Variants in PDSS1 observed in about 807,000 individuals in gnomAD.
PDSS1 encodes the protein all trans-polyprenyl-diphosphate synthase PDSS1.
PDSS1 carries 43 observed loss-of-function variants against 57.5 expected under a neutral mutation model. The ratio of observed to expected loss-of-function variants is 0.75; its 90% CI spans 0.59 to 0.96. PDSS1 has a LOEUF of 0.96. Among genes scored for constraint, PDSS1 ranks in the 50% least tolerant of loss-of-function variants. The pLI, the probability that PDSS1 is intolerant of heterozygous loss-of-function variation, is 0.00. For missense variants in PDSS1, 438 were observed against 527.8 expected (o/e 0.83, Z 1.67); for synonymous variants, 175 against 191.3 (o/e 0.91, Z 0.70).
intron 11 of PDSS1, 34 bp from the exon 12 acceptor site, chr10:26,746,299 A>G (rs1836899235): frequency 1.2e-6 from 2 of 1,611,938 alleles, no homozygotes; most frequent in Non-Finnish European, 1.7e-6. Context: ...AGTCAGTGAC[A>G]GGCATCTGTT....
chr10:26,729,144 G>A (rs887001500), intron 8 of PDSS1, among the ~76,000 whole-genome samples: 2 of 151,984 alleles, frequency 1.3e-5, no homozygotes, highest in Non-Finnish European at 2.9e-5. Context: ...CCAACGTATG[G>A]CCAGTAGGGG....
At chr10:26,718,883 A>G (rs1835690794) in intron 5 of PDSS1, 1 of 152,128 alleles carries the variant, frequency 6.6e-6, no homozygotes, top group South Asian at 2.1e-4. Flanking sequence ...GTGACATCAT[A>G]TTTTAAAATT....
In PDSS1 at chr10:26,735,435, G is replaced by A. The variant is rs769620666; in HGVS notation, c.913-31G>A. 28 of 1,459,646 alleles carry A rather than the reference G, an allele frequency of 1.9e-5. No individual in the cohort carries two copies. In the East Asian group the frequency reaches 5.9e-4, roughly 31 times the overall value. The allele number at this position is 1,459,646 out of a possible 1,614,324, so 90.4% of individuals were successfully genotyped here. A position where few individuals can be genotyped will look rare whatever the true frequency, so the allele number is the denominator to read the frequency against. On this transcript the variant is annotated intron_variant, in intron 9 of 11. Transcript: ENST00000376215. ...ATGGCAGCAGTGTTGGCATGGCGGT[G>A]CTCCTTACATCCCATTTTTCCTTTT...
chr10:26,735,625 A>C, intron 10 of PDSS1, 46 bp downstream of exon 10: 1 of 1,051,216 alleles, frequency 9.5e-7, no homozygotes, highest in Non-Finnish European at 1.5e-6. Flanking sequence ...ATAGCCCCAC[A>C]GAACTGATGT....
chr10:26,720,401 A>C (rs1167697112), intron 6 of PDSS1, 42 bp downstream of exon 6: 1 of 1,357,590 alleles, frequency 7.4e-7, no homozygotes, highest in East Asian at 2.3e-5. Flanking sequence ...TTACTGAATC[A>C]CACACTTTTC....
chr10:26,739,498 A>G (rs1006059157), intron 10 of PDSS1, among the ~76,000 whole-genome samples: 3 of 152,212 alleles, frequency 2.0e-5, no homozygotes, highest in African/African-American at 7.2e-5. Flanking sequence ...CTCAATGCAA[A>G]TATTTTTTTC....
At chr10:26,724,586 G>C (rs796119605) in intron 8 of PDSS1, among the ~76,000 whole-genome samples, 14 of 151,772 alleles carry the variant, frequency 9.2e-5, no homozygotes, top group African/African-American at 3.4e-4. Flanking sequence ...TGTTTTTTGT[G>C]TTTTTTTGAG....
At chr10:26,704,090 A>AAAAAAAAAAAAAAAAAAAAAAAC in intron 2 of PDSS1, among the ~76,000 whole-genome samples, 1 of 146,968 alleles carries the variant, frequency 6.8e-6, no homozygotes. Flanking sequence ...TCACAAAAAA[A>AAAAAAAAAAAAAAAAAAAAAAAC]AAAAAAAAAA....
chr10:26,723,716 A>C (rs1277722672), intron 6 of PDSS1, 90 bp from the exon 7 acceptor site: 4 of 886,192 alleles, frequency 4.5e-6, no homozygotes, highest in Non-Finnish European at 1.9e-6. Context: ...CCCCACTTCC[A>C]CGAAGCTCCC....
chr10:26,706,902 G>A (rs200882848), intron 4 of PDSS1, among the ~76,000 whole-genome samples: 2 of 152,180 alleles, frequency 1.3e-5, no homozygotes, highest in Non-Finnish European at 2.9e-5. Flanking sequence ...AAGGAGAGAC[G>A]GAGGCAAGTT....
rs1370374849 is a variant in PDSS1 at position 26,710,156 on chromosome 10, A to T, written c.467+388A>T. ...GCGACAGAGCGAGACTCTTGTCTTA[A>T]AAAAAAAAAAGTAGCATGTACCTAA... On this transcript the variant is annotated intron_variant, in intron 5 of 11. Transcript: ENST00000376215. 2.2e-4 allele frequency among the ~76,000 whole-genome samples: 20 copies of T among 92,464 alleles called. 2 individuals are homozygous for T. The highest frequency in any genetic ancestry group is 8.8e-4 in the South Asian group (3 of 3,426). The allele number at this position is 92,464 out of a possible 152,430, so 60.7% of individuals were successfully genotyped here. A position where few individuals can be genotyped will look rare whatever the true frequency, so the allele number is the denominator to read the frequency against.
In PDSS1 at chr10:26,746,736, TA is replaced by T. The variant is rs1836963594; in HGVS notation, c.*264del. On this transcript the variant is annotated 3_prime_UTR_variant, in exon 12 of 12. Transcript: ENST00000376215. ...CTTGATGGTTATATGTGGTATTGTT[TA>T]CACTGTTAATATCCACATGTAAGGC... 1 of 474,580 alleles carries T rather than the reference TA, an allele frequency of 2.1e-6. No homozygotes were observed. Among genetic ancestry groups the T allele is most frequent in the Non-Finnish European group, 3.9e-6 (1 of 258,526 alleles). 29.4% of individuals were successfully genotyped at this position (474,580 alleles called of 1,614,324 possible).
At chr10:26,735,697 A>G (rs1836372529) in intron 10 of PDSS1, 118 bp downstream of exon 10, 1 of 722,014 alleles carries the variant, frequency 1.4e-6, no homozygotes, top group African/African-American at 1.7e-5. Context: ...TTCAGATAAG[A>G]GATCACAGGT....
intron 6 of PDSS1, among the ~76,000 whole-genome samples, chr10:26,722,793 CTATT>C (rs1273211785): frequency 1.3e-5 from 2 of 151,484 alleles, no homozygotes; most frequent in Admixed American, 1.3e-4. Context: ...TATAATTCAA[CTATT>C]TATGCAGTAG....
chr10:26,727,591 G>T (rs1473367848), intron 8 of PDSS1, among the ~76,000 whole-genome samples: 1 of 151,288 alleles, frequency 6.6e-6, no homozygotes, highest in Admixed American at 6.6e-5. Flanking sequence ...CACCTCCCAG[G>T]TTCAAGTGAT....
At chr10:26,735,642 G>A (rs1836371054) in intron 10 of PDSS1, 63 bp downstream of exon 10, 1 of 915,872 alleles carries the variant, frequency 1.1e-6, no homozygotes, top group Non-Finnish European at 1.8e-6. Flanking sequence ...ATGTCCCGCG[G>A]CACAGCTGAT....
chr10:26,725,612 T>G (rs1353038989), intron 8 of PDSS1, among the ~76,000 whole-genome samples: 1 of 152,170 alleles, frequency 6.6e-6, no homozygotes, highest in Non-Finnish European at 1.5e-5. Context: ...ACTTTTACAG[T>G]AATCCTTTAC....
At chr10:26,699,295 C>T (rs1834970526) in intron 1 of PDSS1, among the ~76,000 whole-genome samples, 1 of 152,156 alleles carries the variant, frequency 6.6e-6, no homozygotes, top group South Asian at 2.1e-4. Flanking sequence ...CAGGACTGTT[C>T]TCTCCAGACT....
At chr10:26,701,764 C>A in intron 1 of PDSS1, 3 of 453,262 alleles carry the variant, frequency 6.6e-6, no homozygotes, top group Non-Finnish European at 8.8e-6. Context: ...TGCTGGGGCA[C>A]TGCCTAATGG....
Sources: allele counts gnomAD v4.1 joint callset (sites outside exome capture counted in the v4.1 genomes callset), GRCh38; gene constraint gnomAD v4.1.1; transcripts MANE v1.5; gene names NCBI Gene and HGNC (gene_info 2026-07-23, HGNC 2026-07-21).